CCSER1: variants seen among roughly 807,000 people sequenced by gnomAD.
CCSER1 encodes serine-rich coiled-coil domain-containing protein 1.
In CCSER1, 41 loss-of-function variants were observed where a neutral mutation model predicts 82.0. The ratio of observed to expected loss-of-function variants is 0.50; its 90% confidence interval spans 0.39 to 0.65. The LOEUF is 0.65. CCSER1 is among the 30% of genes least tolerant of loss of function. The probability of loss-of-function intolerance (pLI) is 0.00; values close to 1 mark genes in which losing one functional copy is unlikely to be tolerated. For missense variants in CCSER1, 1,119 were observed against 1,064.2 expected (o/e 1.05, Z -0.72); for synonymous variants, 414 against 383.9 (o/e 1.08, Z -0.92).
chr4:91,570,002 A>C (rs1422816134), intron 10 of CCSER1, among the ~76,000 whole-genome samples: 2 of 152,074 alleles, frequency 1.3e-5, no homozygotes, highest in African/African-American at 4.8e-5. Context: ...GGGTAAATAC[A>C]CCCATTCCAA....
At chr4:91,574,656 A>C (rs1250812847) in intron 10 of CCSER1, among the ~76,000 whole-genome samples, 1 of 152,234 alleles carries the variant, frequency 6.6e-6, no homozygotes, top group South Asian at 2.1e-4. Context: ...AAAACTAAAT[A>C]CCTCATGTTC....
At chr4:90,784,849 G>C (rs778470806) in intron 7 of CCSER1, among the ~76,000 whole-genome samples, 2 of 152,088 alleles carry the variant, frequency 1.3e-5, no homozygotes, top group Non-Finnish European at 2.9e-5. Context: ...AAGTAAGCTA[G>C]AGAAAAGAAA....
intron 10 of CCSER1, among the ~76,000 whole-genome samples, chr4:91,328,518 A>G (rs1486316891): frequency 2.0e-5 from 3 of 152,158 alleles, no homozygotes; most frequent in South Asian, 2.1e-4. Flanking sequence ...TGCAGATTAC[A>G]ATTCAACAGG....
Position 91,382,684 on chromosome 4 carries a change from G to T in CCSER1, c.2218-215888G>T, listed in dbSNP as rs557374097. 2.6e-5 allele frequency among the ~76,000 whole-genome samples: 4 copies of T among 152,194 alleles called. No individual in the cohort carries two copies. The East Asian group carries it at 7.8e-4, about 30-fold the overall frequency. On this transcript the variant is annotated intron_variant, in intron 10 of 10. Transcript: ENST00000509176. ...TGAGGCGATCCCTCACCCTCCTTTG[G>T]CTCACACTTGGTGGACTGCACCCAC... is the stretch of plus-strand genomic sequence containing the variant.
intron 10 of CCSER1, among the ~76,000 whole-genome samples, chr4:91,314,570 T>C (rs1176922957): frequency 5.3e-5 from 8 of 152,036 alleles, no homozygotes; most frequent in African/African-American, 1.4e-4. Context: ...ACTAGCTCTC[T>C]GGCTTCCTCC....
intron 1 of CCSER1, among the ~76,000 whole-genome samples, chr4:90,229,153 C>G (rs969940861): frequency 6.6e-6 from 1 of 152,012 alleles, no homozygotes; most frequent in Middle Eastern, 3.2e-3. Flanking sequence ...AGAGCAACTC[C>G]AAGACACATA....
intron 8 of CCSER1, chr4:90,918,141 A>T: frequency 5.0e-6 from 2 of 401,874 alleles, no homozygotes; most frequent in Non-Finnish European, 4.9e-6. Context: ...AATCACTATT[A>T]TATACTAGTG....
intron 10 of CCSER1, among the ~76,000 whole-genome samples, chr4:91,438,392 G>A (rs1007369290): frequency 2.6e-5 from 4 of 152,172 alleles, no homozygotes; most frequent in Admixed American, 1.3e-4. Flanking sequence ...TGGACCTCTA[G>A]CAAACTCCAA....
At chr4:90,283,424 T>G (rs1039238530) in intron 1 of CCSER1, among the ~76,000 whole-genome samples, 1 of 152,004 alleles carries the variant, frequency 6.6e-6, no homozygotes, top group African/African-American at 2.4e-5. Context: ...TACAAGCATA[T>G]AGCATGCAAT....
chr4:90,384,438 T>C (rs182752680), intron 3 of CCSER1, among the ~76,000 whole-genome samples: 147 of 152,098 alleles, frequency 9.7e-4, no homozygotes, highest in Middle Eastern at 3.4e-3. Flanking sequence ...AAGGGGAACA[T>C]CACACATCAT....
In CCSER1 at chr4:91,468,173, T is replaced by C. The variant is rs532969624; in HGVS notation, c.2218-130399T>C. 9.9e-5 allele frequency among the ~76,000 whole-genome samples: 15 copies of C among 152,222 alleles called. 1 individual carries two copies. The South Asian group carries it at 3.1e-3, about 32-fold the overall frequency. On this transcript the variant is annotated intron_variant, in intron 10 of 10. Transcript: ENST00000509176. ...TACTCCATGGAATACTATGCAGCCA[T>C]AAAAAAGGAAGAGTTCATGTCCTTT...
intron 10 of CCSER1, among the ~76,000 whole-genome samples, chr4:91,395,012 T>C: frequency 6.6e-6 from 1 of 152,272 alleles, no homozygotes; most frequent in Non-Finnish European, 1.5e-5. Context: ...TGTAAAGTAC[T>C]AATATATCTT....
chr4:90,257,467 A>G (rs1560891061), intron 1 of CCSER1, among the ~76,000 whole-genome samples: 1 of 152,226 alleles, frequency 6.6e-6, no homozygotes, highest in Middle Eastern at 3.4e-3. Flanking sequence ...GAGATTAATT[A>G]TGGTCTAAAT....
intron 10 of CCSER1, among the ~76,000 whole-genome samples, chr4:91,394,872 ACT>A (rs894761512): frequency 6.6e-6 from 1 of 151,916 alleles, no homozygotes; most frequent in Admixed American, 6.6e-5. Context: ...TGAAAATTAA[ACT>A]CTGATGAGTG....
intron 7 of CCSER1, among the ~76,000 whole-genome samples, chr4:90,798,724 CT>C (rs1756372900): frequency 1.3e-5 from 2 of 152,130 alleles, no homozygotes. Flanking sequence ...AACTGACTGG[CT>C]TTGTTTCTGG....
chr4:91,396,917 G>C (rs1265009229), intron 10 of CCSER1, among the ~76,000 whole-genome samples: 1 of 151,930 alleles, frequency 6.6e-6, no homozygotes, highest in Non-Finnish European at 1.5e-5. Context: ...GAATTGAAAA[G>C]GACCATTGAC....
chr4:90,368,208 A>C (rs1273710779), intron 3 of CCSER1, among the ~76,000 whole-genome samples: 1 of 151,974 alleles, frequency 6.6e-6, no homozygotes, highest in Non-Finnish European at 1.5e-5. Context: ...CATTCAAATA[A>C]AGACAAGCTG....
chr4:90,789,409 A>G (rs755866615), intron 7 of CCSER1, among the ~76,000 whole-genome samples: 13 of 151,874 alleles, frequency 8.6e-5, no homozygotes, highest in Non-Finnish European at 1.5e-4. Flanking sequence ...TTTATTTTCT[A>G]CTACATGAAT....
intron 9 of CCSER1, among the ~76,000 whole-genome samples, chr4:90,941,237 A>G (rs1230295076): frequency 6.6e-6 from 1 of 152,136 alleles, no homozygotes; most frequent in Non-Finnish European, 1.5e-5. Flanking sequence ...TATTTTATTT[A>G]TGTTTTAAAT....
Sources: allele counts gnomAD v4.1 joint callset (sites outside exome capture counted in the v4.1 genomes callset), GRCh38; gene constraint gnomAD v4.1.1; transcripts MANE v1.5; gene names NCBI Gene and HGNC (gene_info 2026-07-23, HGNC 2026-07-21).